The following GALNTL6 variants were observed in gnomAD, a reference collection of about 807,000 sequenced individuals.
GALNTL6 encodes the protein polypeptide N-acetylgalactosaminyltransferase-like 6.
A neutral mutation model predicts 73.7 loss-of-function variants in GALNTL6; 46 were observed. The ratio of observed to expected loss-of-function variants is 0.62; its 90% confidence interval spans 0.49 to 0.80. The LOEUF (loss-of-function observed/expected upper bound fraction) is 0.80, where lower values mean the gene tolerates loss of function less well. GALNTL6 is among the 30% of genes least tolerant of loss of function. GALNTL6 has a pLI of 0.00. For synonymous variants in GALNTL6, 259 were observed against 263.7 expected (o/e 0.98, Z 0.17); for missense variants, 604 against 755.0 (o/e 0.80, Z 2.34).
intron 2 of GALNTL6, among the ~76,000 whole-genome samples, chr4:171,933,526 G>A (rs958872228): frequency 6.6e-6 from 1 of 152,024 alleles, no homozygotes; most frequent in Non-Finnish European, 1.5e-5. Flanking sequence ...GTTATTAACT[G>A]ATTCAACAAA....
intron 5 of GALNTL6, among the ~76,000 whole-genome samples, chr4:172,452,190 A>AAT (rs1732238612): frequency 1.3e-5 from 2 of 152,180 alleles, no homozygotes; most frequent in Admixed American, 6.5e-5. Context: ...TGCTATAGCA[A>AAT]CTACACTAAA....
chr4:172,998,342 T>A (rs1751888443), intron 10 of GALNTL6, among the ~76,000 whole-genome samples: 1 of 152,244 alleles, frequency 6.6e-6, no homozygotes, highest in African/African-American at 2.4e-5. Flanking sequence ...TGCATTTATA[T>A]GCTGCTTTTA....
At chr4:172,803,017 CTT>C (rs979789339) in intron 5 of GALNTL6, among the ~76,000 whole-genome samples, 12 of 152,198 alleles carry the variant, frequency 7.9e-5, no homozygotes, top group African/African-American at 2.7e-4. Context: ...CTCTGAAAAA[CTT>C]TGTAATTTTG....
chr4:172,922,107 T>C (rs534188880), intron 8 of GALNTL6, among the ~76,000 whole-genome samples: 120 of 152,266 alleles, frequency 7.9e-4, no homozygotes, highest in Non-Finnish European at 2.9e-5. Context: ...CTGATGGGTT[T>C]ATCAGAGGTT....
chr4:172,226,613 G>GTGTGTA (rs386402286), intron 2 of GALNTL6, among the ~76,000 whole-genome samples: 1 of 151,242 alleles, frequency 6.6e-6, no homozygotes, highest in African/African-American at 2.4e-5. Flanking sequence ...TTCTGTGTGT[G>GTGTGTA]TGTGTGTTTT....
At chr4:172,990,594 A>G (rs544351212) in intron 10 of GALNTL6, among the ~76,000 whole-genome samples, 39 of 152,104 alleles carry the variant, frequency 2.6e-4, no homozygotes, top group Middle Eastern at 3.4e-3. Context: ...CAATGACCCA[A>G]TCTCCCAAGT....
At chr4:172,662,276 C>T (rs1339092795) in intron 5 of GALNTL6, among the ~76,000 whole-genome samples, 1 of 152,182 alleles carries the variant, frequency 6.6e-6, no homozygotes, top group Non-Finnish European at 1.5e-5. Context: ...TTCTATAAGG[C>T]AGTCATTATT....
At chr4:172,127,253 C>G (rs1295304871) in intron 2 of GALNTL6, among the ~76,000 whole-genome samples, 1 of 152,234 alleles carries the variant, frequency 6.6e-6, no homozygotes, top group Non-Finnish European at 1.5e-5. Context: ...TAGCCTGGCT[C>G]TACCCCTCAG....
intron 5 of GALNTL6, among the ~76,000 whole-genome samples, chr4:172,648,001 A>G (rs1740313898): frequency 6.6e-6 from 1 of 152,262 alleles, no homozygotes; most frequent in Admixed American, 6.5e-5. Flanking sequence ...TGCGAGGGAG[A>G]CATGTGCTTG....
At chr4:172,321,849 A>T (rs1740767232) in intron 4 of GALNTL6, among the ~76,000 whole-genome samples, 1 of 152,198 alleles carries the variant, frequency 6.6e-6, no homozygotes, top group Admixed American at 6.5e-5. Context: ...AATCTCTCTA[A>T]GACAATAATT....
At chr4:172,075,822 T>C (rs1445606552) in intron 2 of GALNTL6, among the ~76,000 whole-genome samples, 2 of 152,086 alleles carry the variant, frequency 1.3e-5, no homozygotes, top group African/African-American at 4.8e-5. Flanking sequence ...GGCAATCATA[T>C]AGAACAATAC....
chr4:172,531,004 A>T (rs1360953688), intron 5 of GALNTL6, among the ~76,000 whole-genome samples: 1 of 149,996 alleles, frequency 6.7e-6, no homozygotes. Flanking sequence ...ACAATTTCTG[A>T]TACAGGAAGC....
intron 2 of GALNTL6, among the ~76,000 whole-genome samples, chr4:172,009,467 T>C (rs1288185990): frequency 6.6e-6 from 1 of 152,114 alleles, no homozygotes; most frequent in Non-Finnish European, 1.5e-5. Flanking sequence ...TTTATGAATA[T>C]GGACACTTTG....
At chr4:172,041,216 A>T (rs1432948545) in intron 2 of GALNTL6, among the ~76,000 whole-genome samples, 4 of 152,080 alleles carry the variant, frequency 2.6e-5, no homozygotes, top group Admixed American at 6.6e-5. Flanking sequence ...CACTCACAAT[A>T]GCAAGGAAAG....
At chr4:172,514,595 C>T (rs753316320) in intron 5 of GALNTL6, among the ~76,000 whole-genome samples, 7 of 152,198 alleles carry the variant, frequency 4.6e-5, no homozygotes, top group Non-Finnish European at 8.8e-5. Context: ...TTGCCCTCCA[C>T]CCCCAGATTC....
intron 2 of GALNTL6, among the ~76,000 whole-genome samples, chr4:172,165,829 T>C (rs1442010857): frequency 6.6e-6 from 1 of 152,196 alleles, no homozygotes. Context: ...AGTTTTCTTA[T>C]TGCTAATGAG....
At chr4:172,806,927 A>T (rs1213436912) in intron 5 of GALNTL6, among the ~76,000 whole-genome samples, 1 of 152,200 alleles carries the variant, frequency 6.6e-6, no homozygotes, top group Non-Finnish European at 1.5e-5. Context: ...GAGATTATAC[A>T]ATTTTCTTAA....
intron 2 of GALNTL6, among the ~76,000 whole-genome samples, chr4:171,855,755 T>A (rs1241948267): frequency 2.6e-5 from 4 of 152,212 alleles, no homozygotes; most frequent in Non-Finnish European, 5.9e-5. Flanking sequence ...TTACTCCACA[T>A]CCTCACTGGC....
In GALNTL6 at chr4:173,040,087, A is replaced by C; in HGVS notation, c.1793A>C (p.His598Pro). ...NMTVLEKFNH[H>P]ANS is the part of the protein sequence containing the mutation. Reference sequence around the variant, plus strand: ...ACTGTTTTAGAAAAATTTAACCACCATGCCAACTCCTAGAAAGAAGAAAGG... The same window carrying C: ...ACTGTTTTAGAAAAATTTAACCACCCTGCCAACTCCTAGAAAGAAGAAAGG... Residue 598 changes from histidine to proline, a missense_variant, in exon 13 of 13, where the codon CAT becomes CCT. Physicochemically the swap from His to Pro is moderately conservative, Grantham distance 77. Around this residue, in one of 5 missense-constraint regions of GALNTL6, gnomAD observed 261 missense variants for 296.5 expected, o/e 0.88. Coordinates refer to ENST00000506823, the MANE Select transcript of GALNTL6 (RefSeq NM_001034845.3). 1 of 1,611,266 alleles carries C rather than the reference A, an allele frequency of 6.2e-7. No homozygotes were observed. The highest frequency in any genetic ancestry group is 1.3e-5 in the African/African-American group (1 of 74,924).
Sources: gnomAD v4.1 joint callset for allele counts (sites outside exome capture counted in the v4.1 genomes callset) on GRCh38, gnomAD v4.1.1 for gene constraint, gnomAD v4.1.1 regional missense constraint, MANE v1.5 for transcripts, NCBI Gene and HGNC (gene_info 2026-07-23, HGNC 2026-07-21) for gene names.